TAOK1: variants seen among roughly 807,000 people sequenced by gnomAD.
The protein encoded by TAOK1 is TAO kinase 1.
In TAOK1, 21 loss-of-function variants were observed where a neutral mutation model predicts 138.3. The observed-to-expected ratio is 0.15, with a 90% CI of 0.11 to 0.22. The LOEUF (loss-of-function observed/expected upper bound fraction) is 0.22. Ranked by LOEUF, TAOK1 falls within the 10% of genes least tolerant of loss-of-function variation. The pLI, the probability that TAOK1 is intolerant of heterozygous loss-of-function variation, is 1.00. For missense variants in TAOK1, 651 were observed against 1,227.7 expected (o/e 0.53, Z 7.02); for synonymous variants, 361 against 398.4 (o/e 0.91, Z 1.12).
intron 11 of TAOK1, among the ~76,000 whole-genome samples, 154 bp from the exon 12 acceptor site, chr17:29,498,164 C>T (rs2153028232): frequency 6.6e-6 from 1 of 152,270 alleles, no homozygotes; most frequent in African/African-American, 2.4e-5. Context: ...AGTTGATAAA[C>T]TTCCTGGTCT....
chr17:29,413,623 C>T (rs2153021158), intron 1 of TAOK1, among the ~76,000 whole-genome samples: 1 of 152,090 alleles, frequency 6.6e-6, no homozygotes, highest in African/African-American at 2.4e-5. Context: ...ACAAAAATAA[C>T]CATTTTAAAG....
chr17:29,518,881 C>T (rs974967034), intron 16 of TAOK1, among the ~76,000 whole-genome samples: 5 of 152,130 alleles, frequency 3.3e-5, no homozygotes, highest in African/African-American at 1.2e-4. Context: ...ATTCTCCTGC[C>T]TCAGCCTCTC....
intron 1 of TAOK1, among the ~76,000 whole-genome samples, chr17:29,436,141 A>G (rs1261888793): frequency 6.6e-6 from 1 of 152,218 alleles, no homozygotes; most frequent in Non-Finnish European, 1.5e-5. Flanking sequence ...AAAAATAAAT[A>G]AGTAAAAAAT....
intron 9 of TAOK1, among the ~76,000 whole-genome samples, chr17:29,490,416 C>T (rs1047409130): frequency 6.6e-6 from 1 of 151,958 alleles, no homozygotes; most frequent in Non-Finnish European, 1.5e-5. Context: ...ACCTAGCATT[C>T]GATAAATTCT....
intron 1 of TAOK1, among the ~76,000 whole-genome samples, chr17:29,413,679 A>G (rs906677521): frequency 1.3e-5 from 2 of 152,128 alleles, no homozygotes; most frequent in African/African-American, 4.8e-5. Flanking sequence ...TTGTATAGCT[A>G]CTGTATGTAT....
At chr17:29,417,928 C>T (rs1174508451) in intron 1 of TAOK1, among the ~76,000 whole-genome samples, 1 of 152,144 alleles carries the variant, frequency 6.6e-6, no homozygotes, top group Non-Finnish European at 1.5e-5. Flanking sequence ...TACTCTGTCA[C>T]CAAGGCTGCA....
chr17:29,435,847 T>A (rs1906012604), intron 1 of TAOK1, among the ~76,000 whole-genome samples: 2 of 152,214 alleles, frequency 1.3e-5, no homozygotes, highest in Non-Finnish European at 2.9e-5. Flanking sequence ...TACTCACAGA[T>A]AGGCGGGGTG....
chr17:29,462,062 A>T (rs1236947102), intron 2 of TAOK1, among the ~76,000 whole-genome samples: 1 of 152,194 alleles, frequency 6.6e-6, no homozygotes, highest in Non-Finnish European at 1.5e-5. Flanking sequence ...CCACTCCATG[A>T]CAGGATGAAA....
chr17:29,483,914 T>C (rs1391421674), intron 8 of TAOK1, among the ~76,000 whole-genome samples: 2 of 152,236 alleles, frequency 1.3e-5, no homozygotes. Flanking sequence ...GTACAGAAGC[T>C]GGTTAATGTA....
intron 8 of TAOK1, among the ~76,000 whole-genome samples, chr17:29,483,265 A>T (rs2031100109): frequency 6.6e-6 from 1 of 151,948 alleles, no homozygotes; most frequent in Admixed American, 6.6e-5. Flanking sequence ...TTTAGCAGAG[A>T]CAGGGTTTCG....
intron 2 of TAOK1, among the ~76,000 whole-genome samples, chr17:29,456,317 A>G (rs1037773394): frequency 6.7e-6 from 1 of 149,802 alleles, no homozygotes; most frequent in Admixed American, 6.6e-5. Context: ...ATGCCACTGC[A>G]CTCCAGCCTG....
At chr17:29,480,598 A>G (rs2031039828) in intron 7 of TAOK1, 117 bp downstream of exon 7, 5 of 815,574 alleles carry the variant, frequency 6.1e-6, no homozygotes, top group East Asian at 6.0e-5. Context: ...GCCAGGTGCA[A>G]TGGCTCACAC....
chr17:29,396,291 T>G (rs907188776), intron 1 of TAOK1, among the ~76,000 whole-genome samples: 1 of 152,180 alleles, frequency 6.6e-6, no homozygotes, highest in African/African-American at 2.4e-5. Flanking sequence ...AGTCTAAGGC[T>G]ATACCTTTTT....
chr17:29,440,175 G>A (rs2153023373), intron 1 of TAOK1, among the ~76,000 whole-genome samples: 1 of 151,970 alleles, frequency 6.6e-6, no homozygotes, highest in South Asian at 2.1e-4. Context: ...TTTTTAACTT[G>A]CATTTTTAAA....
chr17:29,485,325 A>G (rs2031148598), intron 8 of TAOK1, among the ~76,000 whole-genome samples: 1 of 152,238 alleles, frequency 6.6e-6, no homozygotes, highest in African/African-American at 2.4e-5. Flanking sequence ...AGGAGCGAAA[A>G]GAAAATAAAT....
In TAOK1 at chr17:29,547,058, A is replaced by ATAAG. The variant is rs2032413793; in HGVS notation, c.*4040_*4043dup. 6.6e-6 allele frequency: 1 copy of ATAAG among 152,118 alleles called. No individual in the cohort carries two copies. Among genetic ancestry groups the ATAAG allele is most frequent in the African/African-American group, 2.4e-5 (1 of 41,438 alleles). The allele number at this position is 152,118 out of a possible 1,614,324, so 9.4% of individuals were successfully genotyped here. On this transcript the variant is annotated 3_prime_UTR_variant, in exon 20 of 20. Coordinates refer to ENST00000261716, the MANE Select transcript of TAOK1 (RefSeq NM_020791.4). ...AGTTTGTGTTGTGATGCAATAAGAG[A>ATAAG]TAAGTAATGCAGAGAGAAATGAACC...
chr17:29,531,192 C>T (rs1401937525), intron 18 of TAOK1, among the ~76,000 whole-genome samples: 2 of 151,100 alleles, frequency 1.3e-5, no homozygotes, highest in African/African-American at 2.4e-5. Flanking sequence ...TGGTCTCGAT[C>T]TCCTGACCTC....
intron 13 of TAOK1, 36 bp from the exon 14 acceptor site, chr17:29,507,860 A>C (rs2031655145): frequency 6.3e-7 from 1 of 1,576,972 alleles, no homozygotes; most frequent in East Asian, 2.2e-5. Flanking sequence ...AGAATGTTTT[A>C]TTTTCTTCTT....
Position 29,544,475 on chromosome 17 carries a change from T to G in TAOK1, c.*1453T>G, listed in dbSNP as rs572483186. The G allele has an allele frequency of 1.7e-4, 26 of 152,566 alleles. No individual in the cohort carries two copies. In the East Asian group the frequency reaches 5.0e-3, roughly 29 times the overall value. 9.5% of individuals were successfully genotyped at this position (152,566 alleles called of 1,614,324 possible). A position where few individuals can be genotyped will look rare whatever the true frequency, so the allele number is the denominator to read the frequency against. On this transcript the variant is annotated 3_prime_UTR_variant, in exon 20 of 20. Coordinates refer to ENST00000261716, the MANE Select transcript of TAOK1 (RefSeq NM_020791.4). Reference sequence around the variant, plus strand: ...TACTACTGAAAAGGAACTAGGAAGTTTGGCCAATTAAAAAAAAAAAGTAAA... The same window carrying G: ...TACTACTGAAAAGGAACTAGGAAGTGTGGCCAATTAAAAAAAAAAAGTAAA...
Sources: gnomAD v4.1 joint callset for allele counts (sites outside exome capture counted in the v4.1 genomes callset) on GRCh38, gnomAD v4.1.1 for gene constraint, MANE v1.5 for transcripts, NCBI Gene and HGNC (gene_info 2026-07-23, HGNC 2026-07-21) for gene names.